The following CLASP2 variants were observed in gnomAD, a reference collection of about 807,000 sequenced individuals.
CLASP2 encodes CLIP-associating protein 2.
A neutral mutation model predicts 194.4 loss-of-function variants in CLASP2; 47 were observed. The ratio of observed to expected loss-of-function variants is 0.24; its 90% confidence interval spans 0.19 to 0.31. The LOEUF (loss-of-function observed/expected upper bound fraction) is 0.31. Among genes scored for constraint, CLASP2 ranks in the 10% least tolerant of loss-of-function variants. The pLI is 1.00. For synonymous variants in CLASP2, 619 were observed against 633.5 expected (o/e 0.98, Z 0.34); for missense variants, 1,445 against 1,823.6 (o/e 0.79, Z 3.78).
intron 7 of CLASP2, chr3:33,645,534 T>C: frequency 2.2e-6 from 1 of 454,484 alleles, no homozygotes; most frequent in African/African-American, 2.0e-5. Context: ...TTATGGCAGC[T>C]ACTGCCAGAT....
intron 6 of CLASP2, among the ~76,000 whole-genome samples, chr3:33,673,689 A>G (rs1372271915): frequency 6.6e-6 from 1 of 152,246 alleles, no homozygotes; most frequent in Non-Finnish European, 1.5e-5. Flanking sequence ...TGCTGTATTC[A>G]GGAAACCCAT....
intron 34 of CLASP2, among the ~76,000 whole-genome samples, chr3:33,522,017 T>C (rs891953698): frequency 1.3e-5 from 2 of 151,940 alleles, no homozygotes; most frequent in African/African-American, 4.8e-5. Context: ...CACTGTTGAC[T>C]GCTGCTTTTT....
At chr3:33,571,858 G>C (rs114955035) in intron 25 of CLASP2, among the ~76,000 whole-genome samples, 2,505 of 152,190 alleles carry the variant, frequency 0.016, 32 homozygotes, top group Non-Finnish European at 0.028. Context: ...TAAAAATTGA[G>C]AAATTTGTGG....
At chr3:33,663,381 C>T in intron 7 of CLASP2, 64 bp downstream of exon 7, 1 of 1,238,950 alleles carries the variant, frequency 8.1e-7, no homozygotes, top group Non-Finnish European at 1.2e-6. Flanking sequence ...ATATATAATA[C>T]ATTTTAGTGC....
intron 23 of CLASP2, among the ~76,000 whole-genome samples, chr3:33,576,901 T>C (rs1037519193): frequency 6.6e-6 from 1 of 151,474 alleles, no homozygotes; most frequent in African/African-American, 2.4e-5. Flanking sequence ...TCCACCATTT[T>C]GGTTTTTTTT....
intron 30 of CLASP2, among the ~76,000 whole-genome samples, chr3:33,546,375 A>T (rs2059153257): frequency 6.6e-6 from 1 of 152,204 alleles, no homozygotes; most frequent in Non-Finnish European, 1.5e-5. Context: ...TTAAAATACT[A>T]TACCGTTAGT....
Position 33,578,649 on chromosome 3 carries a change from T to C in CLASP2, c.2348-2374A>G, listed in dbSNP as rs566792106. On this transcript the variant is annotated intron_variant, in intron 23 of 38. Transcript: ENST00000682230. ...CATTAGAAAAATAAACTAAAATACA[T>C]TGTTAGTTTTAATTTTACCTAACAG... Among the ~76,000 whole-genome samples the C allele has an allele frequency of 5.9e-5, 9 of 152,272 alleles. 1 individual carries two copies. The highest frequency in any genetic ancestry group is 2.1e-4 in the South Asian group (1 of 4,828).
At chr3:33,626,934 TA>T in intron 10 of CLASP2, 53 bp downstream of exon 10, 1 of 1,099,546 alleles carries the variant, frequency 9.1e-7, no homozygotes, top group South Asian at 1.4e-5. Context: ...CCATGTTTTT[TA>T]AAAGGAACAT....
intron 22 of CLASP2, among the ~76,000 whole-genome samples, chr3:33,583,182 A>G (rs1356541731): frequency 1.3e-5 from 2 of 152,194 alleles, no homozygotes; most frequent in Non-Finnish European, 2.9e-5. Context: ...AACTGAAAAG[A>G]AAGTCTGGAA....
intron 37 of CLASP2, among the ~76,000 whole-genome samples, chr3:33,508,431 C>G (rs1046139135): frequency 1.3e-5 from 2 of 152,108 alleles, no homozygotes; most frequent in Non-Finnish European, 2.9e-5. Flanking sequence ...CCCGGGTTCA[C>G]GCCATTCTCC....
intron 29 of CLASP2, among the ~76,000 whole-genome samples, chr3:33,555,197 T>TA (rs1445235453): frequency 6.6e-6 from 1 of 152,116 alleles, no homozygotes. Context: ...ATATATAGAA[T>TA]TTTTACTTGT....
intron 23 of CLASP2, chr3:33,577,213 T>A: frequency 6.3e-7 from 1 of 1,597,264 alleles, no homozygotes; most frequent in Non-Finnish European, 8.5e-7. Context: ...TGAGGCCCCA[T>A]ACACTTCGGG....
chr3:33,675,387 A>C (rs2088339831), intron 6 of CLASP2, among the ~76,000 whole-genome samples: 1 of 151,708 alleles, frequency 6.6e-6, no homozygotes, highest in Admixed American at 6.6e-5. Context: ...AAATTCAACA[A>C]CCTTCATGCT....
chr3:33,684,279 A>G (rs1017651977), intron 6 of CLASP2, 80 bp downstream of exon 6: 3 of 730,940 alleles, frequency 4.1e-6, no homozygotes, highest in Non-Finnish European at 6.6e-6. Context: ...TAAAAAATAC[A>G]TTGAAATACA....
intron 23 of CLASP2, among the ~76,000 whole-genome samples, chr3:33,576,997 T>C (rs1009364856): frequency 6.7e-6 from 1 of 149,734 alleles, no homozygotes; most frequent in African/African-American, 2.5e-5. Context: ...AAAATGTCCA[T>C]ATACCAGTGA....
intron 30 of CLASP2, among the ~76,000 whole-genome samples, chr3:33,550,014 G>T (rs181740353): frequency 6.6e-6 from 1 of 152,050 alleles, no homozygotes; most frequent in Non-Finnish European, 1.5e-5. Context: ...GATTACAGGC[G>T]TGAGCCACTG....
intron 29 of CLASP2, among the ~76,000 whole-genome samples, chr3:33,557,638 A>G (rs2061191846): frequency 6.6e-6 from 1 of 152,210 alleles, no homozygotes. Context: ...GTTAATAATG[A>G]TAAAATTACA....
chr3:33,564,910 T>C (rs1560054487), intron 27 of CLASP2, among the ~76,000 whole-genome samples: 2 of 152,100 alleles, frequency 1.3e-5, no homozygotes, highest in Non-Finnish European at 1.5e-5. Flanking sequence ...TTTTCAAAAA[T>C]GCTTATATCC....
intron 5 of CLASP2, among the ~76,000 whole-genome samples, chr3:33,685,720 T>A (rs904140020): frequency 6.6e-6 from 1 of 151,400 alleles, no homozygotes; most frequent in South Asian, 2.1e-4. Context: ...AAAGAACAAA[T>A]ATTCTATCAT....
Sources: gnomAD v4.1 joint callset for allele counts (sites outside exome capture counted in the v4.1 genomes callset) on GRCh38, gnomAD v4.1.1 for gene constraint, MANE v1.5 for transcripts, NCBI Gene and HGNC (gene_info 2026-07-23, HGNC 2026-07-21) for gene names.